Variants in PPP6R3 observed in about 807,000 individuals in gnomAD.
PPP6R3 encodes the protein serine/threonine-protein phosphatase 6 regulatory subunit 3.
PPP6R3 carries 38 observed loss-of-function variants against 110.7 expected under a neutral mutation model. That is an observed-to-expected ratio of 0.34 (90% CI 0.26 to 0.45). PPP6R3 has a LOEUF of 0.45. Among genes scored for constraint, PPP6R3 ranks in the 20% least tolerant of loss-of-function variants. PPP6R3 has a pLI of 1.00. For synonymous variants in PPP6R3, 369 were observed against 373.5 expected (o/e 0.99, Z 0.14); for missense variants, 870 against 1,062.4 (o/e 0.82, Z 2.52).
intron 22 of PPP6R3, among the ~76,000 whole-genome samples, chr11:68,606,915 T>A (rs1450243807): frequency 6.6e-6 from 1 of 152,202 alleles, no homozygotes; most frequent in Non-Finnish European, 1.5e-5. Context: ...GAAATCAGTT[T>A]AAAAAATCAG....
intron 13 of PPP6R3, among the ~76,000 whole-genome samples, chr11:68,574,883 G>T (rs1429983325): frequency 6.6e-6 from 1 of 152,156 alleles, no homozygotes; most frequent in East Asian, 1.9e-4. Context: ...TTCTGAATGT[G>T]AACAGTCTTT....
chr11:68,553,042 C>G (rs2099386988), intron 6 of PPP6R3, among the ~76,000 whole-genome samples: 2 of 152,150 alleles, frequency 1.3e-5, no homozygotes, highest in African/African-American at 4.8e-5. Flanking sequence ...CAAGGAAATG[C>G]TAGGCTCCTG....
At chr11:68,495,468 A>G (rs781513263) in intron 1 of PPP6R3, among the ~76,000 whole-genome samples, 5 of 152,200 alleles carry the variant, frequency 3.3e-5, no homozygotes, top group South Asian at 2.1e-4. Context: ...AGGAAACCCT[A>G]TACCTGTTAG....
intron 20 of PPP6R3, 35 bp downstream of exon 20, chr11:68,600,529 C>T (rs373597026): frequency 3.8e-4 from 606 of 1,581,242 alleles, no homozygotes; most frequent in Non-Finnish European, 4.9e-4. Context: ...CACCCTTCCA[C>T]GGGGGACCTG....
At chr11:68,511,159 C>G (rs764250567) in intron 1 of PPP6R3, among the ~76,000 whole-genome samples, 3 of 151,602 alleles carry the variant, frequency 2.0e-5, no homozygotes, top group Non-Finnish European at 4.4e-5. Context: ...CCTCTGCCTC[C>G]CGGGTTCAAG....
chr11:68,564,950 G>C (rs2099454487), intron 9 of PPP6R3, among the ~76,000 whole-genome samples: 1 of 152,190 alleles, frequency 6.6e-6, no homozygotes, highest in Non-Finnish European at 1.5e-5. Context: ...CAAGAGTTTT[G>C]TCAGCAGTCT....
At position 68,568,343 on chromosome 11, in the gene PPP6R3, A is replaced by G. The variant is rs2099487574; in HGVS notation, c.1128+1177A>G. ...AACAATATACAGTTATTGTTAATTTATTCTGTTAATCTTTAGGACTACTTC... is the reference window on the plus strand; with the variant it reads ...AACAATATACAGTTATTGTTAATTTGTTCTGTTAATCTTTAGGACTACTTC... On this transcript the variant is annotated intron_variant, in intron 10 of 23. Coordinates refer to ENST00000393800, the MANE Select transcript of PPP6R3 (RefSeq NM_001164161.2). Among the ~76,000 whole-genome samples the G allele has an allele frequency of 3.3e-5, 5 of 152,288 alleles. 1 individual carries two copies. The South Asian group carries it at 1.0e-3, about 32-fold the overall frequency.
At position 68,496,723 on chromosome 11, in the gene PPP6R3, G is replaced by A. The variant is rs564839936; in HGVS notation, c.-157-22778G>A. Among the ~76,000 whole-genome samples the A allele has an allele frequency of 1.1e-4, 17 of 152,102 alleles. No individual in the cohort carries two copies. In the Middle Eastern group the frequency reaches 0.01, roughly 91 times the overall value. On this transcript the variant is annotated intron_variant, in intron 1 of 23. Transcript: ENST00000393800. The stretch of plus-strand genomic sequence containing the variant: ...CGGCCTCAAGCACTTCACACACCTC[G>A]GCTTCCTAAAGTACTGGGATTACAA...
intron 1 of PPP6R3, among the ~76,000 whole-genome samples, chr11:68,507,253 T>TC (rs2099083747): frequency 6.6e-6 from 1 of 151,772 alleles, no homozygotes; most frequent in Admixed American, 6.6e-5. Context: ...TGCATTTTTT[T>TC]TTTTTTTTTT....
chr11:68,529,351 T>C (rs1473909505), intron 2 of PPP6R3, among the ~76,000 whole-genome samples: 2 of 152,146 alleles, frequency 1.3e-5, no homozygotes, highest in African/African-American at 4.8e-5. Flanking sequence ...CCCAAGTAGC[T>C]GGGATTACAG....
chr11:68,490,934 C>G (rs1242607000), intron 1 of PPP6R3, among the ~76,000 whole-genome samples: 1 of 152,170 alleles, frequency 6.6e-6, no homozygotes, highest in Non-Finnish European at 1.5e-5. Flanking sequence ...GGCCTGTAAT[C>G]TTAGCACTTT....
At chr11:68,494,321 C>G (rs1303376308) in intron 1 of PPP6R3, among the ~76,000 whole-genome samples, 1 of 145,818 alleles carries the variant, frequency 6.9e-6, no homozygotes, top group Non-Finnish European at 1.5e-5. Flanking sequence ...GTCAGGAGAT[C>G]GAGACCATCC....
chr11:68,472,218 G>A (rs1353119501), intron 1 of PPP6R3, among the ~76,000 whole-genome samples: 1 of 152,146 alleles, frequency 6.6e-6, no homozygotes, highest in Non-Finnish European at 1.5e-5. Flanking sequence ...GGTGGGACGT[G>A]GTGGTAAAGC....
chr11:68,556,546 A>C (rs1257516885), intron 7 of PPP6R3, among the ~76,000 whole-genome samples: 6 of 151,138 alleles, frequency 4.0e-5, no homozygotes, highest in African/African-American at 1.5e-4. Flanking sequence ...AAAAAAAAAA[A>C]AAACGAAAAA....
intron 2 of PPP6R3, among the ~76,000 whole-genome samples, chr11:68,528,211 T>G (rs1454026066): frequency 6.6e-6 from 1 of 152,226 alleles, no homozygotes; most frequent in Non-Finnish European, 1.5e-5. Flanking sequence ...TTGATTCCTT[T>G]ATTCTCAAAG....
At chr11:68,572,982 C>CG (rs2099513561) in intron 12 of PPP6R3, among the ~76,000 whole-genome samples, 1 of 150,702 alleles carries the variant, frequency 6.6e-6, no homozygotes, top group Admixed American at 6.6e-5. Flanking sequence ...AGGCTTTTCT[C>CG]TCTCTAAGCA....
Position 68,564,449 on chromosome 11 carries a change from A to G in PPP6R3, c.975+17A>G. On this transcript the variant is annotated intron_variant, in intron 9 of 23. Transcript: ENST00000393800. ...CCACCCAAGGTAGGGGAGCTATGTT[A>G]AGCATGGCTGCCCAGCGAGTAATTT... is the stretch of plus-strand genomic sequence containing the variant. The G allele has an allele frequency of 6.2e-7, 1 of 1,613,006 alleles. No homozygotes were observed. Among genetic ancestry groups the G allele is most frequent in the Non-Finnish European group, 8.5e-7 (1 of 1,179,232 alleles).
intron 1 of PPP6R3, among the ~76,000 whole-genome samples, chr11:68,481,527 A>C (rs4478997): frequency 0.056 from 8,514 of 152,332 alleles, 351 homozygotes; most frequent in Non-Finnish European, 0.08. Flanking sequence ...TGAGAAAAGG[A>C]TGAGAAAGGA....
intron 1 of PPP6R3, among the ~76,000 whole-genome samples, chr11:68,486,595 C>T (rs777211068): frequency 7.8e-6 from 1 of 127,406 alleles, no homozygotes; most frequent in African/African-American, 3.2e-5. Context: ...CAGAGCAAGA[C>T]TCTGTCTTAA....
Sources: gnomAD v4.1 joint callset for allele counts (sites outside exome capture counted in the v4.1 genomes callset) on GRCh38, gnomAD v4.1.1 for gene constraint, MANE v1.5 for transcripts, NCBI Gene and HGNC (gene_info 2026-07-23, HGNC 2026-07-21) for gene names.